Variants in DCP1B observed in about 807,000 individuals in gnomAD.
DCP1B encodes the protein mRNA-decapping enzyme 1B.
In DCP1B, 47 loss-of-function variants were observed where a neutral mutation model predicts 60.5. That is an observed-to-expected ratio of 0.78 (90% CI 0.61 to 0.99). The LOEUF (loss-of-function observed/expected upper bound fraction) is 0.99. Among genes scored for constraint, DCP1B ranks in the 50% least tolerant of loss-of-function variants. The probability of loss-of-function intolerance (pLI) is 0.00; values close to 1 mark genes in which losing one functional copy is unlikely to be tolerated. For synonymous variants in DCP1B, 267 were observed against 280.3 expected (o/e 0.95, Z 0.47); for missense variants, 725 against 756.8 (o/e 0.96, Z 0.49).
chr12:2,003,923 T>C (rs988178125), intron 1 of DCP1B, among the ~76,000 whole-genome samples: 2 of 152,084 alleles, frequency 1.3e-5, no homozygotes, highest in African/African-American at 4.8e-5. Context: ...AGCCACAGAT[T>C]CACTGTAACA....
intron 3 of DCP1B, chr12:1,991,791 T>C (rs181025917): frequency 6.4e-6 from 1 of 155,348 alleles, no homozygotes; most frequent in Non-Finnish European, 1.4e-5. Flanking sequence ...GAGTTTGTGT[T>C]TTTATATTTT....
At chr12:1,966,304 G>C (rs2031292597) in intron 4 of DCP1B, among the ~76,000 whole-genome samples, 1 of 152,192 alleles carries the variant, frequency 6.6e-6, no homozygotes, top group Non-Finnish European at 1.5e-5. Flanking sequence ...TTCTAACTCG[G>C]AGAAGAGGGG....
At chr12:1,988,752 A>G (rs372055139) in intron 3 of DCP1B, among the ~76,000 whole-genome samples, 4 of 152,216 alleles carry the variant, frequency 2.6e-5, no homozygotes, top group African/African-American at 9.6e-5. Context: ...AAGATGGCCT[A>G]TTTAGAAGAT....
intron 3 of DCP1B, among the ~76,000 whole-genome samples, chr12:1,975,655 G>A (rs1042014936): frequency 2.0e-5 from 3 of 152,126 alleles, no homozygotes; most frequent in Admixed American, 6.6e-5. Context: ...CAGATGCAGC[G>A]TATCAATCTG....
intron 3 of DCP1B, chr12:1,992,944 A>G: frequency 1.7e-6 from 1 of 592,718 alleles, no homozygotes; most frequent in South Asian, 2.1e-5. Flanking sequence ...GTGTCTCTGC[A>G]GTCTCCTCAC....
chr12:1,953,028 G>C lies in DCP1B; in HGVS notation c.912C>G (p.Leu304=). 6.2e-7 allele frequency: 1 copy of C among 1,614,162 alleles called. No homozygotes were observed. Among genetic ancestry groups the C allele is most frequent in the Non-Finnish European group, 8.5e-7 (1 of 1,180,016 alleles). Residue 304 remains leucine, a synonymous_variant, in exon 7 of 9, where the codon CTC becomes CTG. Coordinates refer to ENST00000280665, the MANE Select transcript of DCP1B (RefSeq NM_152640.5). Reference sequence around the variant, plus strand: ...TTTCAGGCAGCTCTGACAATGGGTGGAGGTCTGCGCTCCTGACCATGAGTT... The same window carrying C: ...TTTCAGGCAGCTCTGACAATGGGTGCAGGTCTGCGCTCCTGACCATGAGTT... The part of the protein sequence containing the change: ...IQKLMVRSAD[L]HPLSELPENR...
At chr12:1,988,714 C>T (rs2038514313) in intron 3 of DCP1B, among the ~76,000 whole-genome samples, 1 of 152,176 alleles carries the variant, frequency 6.6e-6, no homozygotes, top group African/African-American at 2.4e-5. Context: ...AGTCTACCAA[C>T]CACTCACTTT....
At chr12:1,984,110 A>G (rs1004689930) in intron 3 of DCP1B, among the ~76,000 whole-genome samples, 4 of 151,962 alleles carry the variant, frequency 2.6e-5, no homozygotes, top group African/African-American at 9.7e-5. Context: ...CCTTTAACCT[A>G]TCTATATTGT....
Position 1,964,390 on chromosome 12 carries a change from T to C in DCP1B, c.522+1168A>G, listed in dbSNP as rs375448072. Among the ~76,000 whole-genome samples, 25 of 152,320 alleles carry C rather than the reference T, an allele frequency of 1.6e-4. No individual in the cohort carries two copies. In the South Asian group the frequency reaches 5.0e-3, roughly 30 times the overall value. On this transcript the variant is annotated intron_variant, in intron 5 of 8. Transcript: ENST00000280665. ...ACAATTTTTTTCTGAGTTGTTTTTGTATCTTTCTATTTGCTTGTGTTGTAT... is the reference window on the plus strand; with the variant it reads ...ACAATTTTTTTCTGAGTTGTTTTTGCATCTTTCTATTTGCTTGTGTTGTAT...
In DCP1B at chr12:1,963,597, A is replaced by G. The variant is rs2031198812; in HGVS notation, c.522+1961T>C. ...ATTTTTATACATTCAATGTGGTTTA[A>G]TCCATTGTAGTCACTCCTGTTGATG... On this transcript the variant is annotated intron_variant, in intron 5 of 8. Coordinates refer to ENST00000280665, the MANE Select transcript of DCP1B (RefSeq NM_152640.5). Among the ~76,000 whole-genome samples the G allele has an allele frequency of 2.0e-5, 3 of 152,262 alleles. No individual in the cohort carries two copies. In the South Asian group the frequency reaches 6.2e-4, roughly 32 times the overall value.
chr12:1,998,365 C>T (rs138320665), intron 1 of DCP1B, among the ~76,000 whole-genome samples: 2 of 152,172 alleles, frequency 1.3e-5, no homozygotes, highest in Non-Finnish European at 2.9e-5. Context: ...TCACTGGTGT[C>T]TGCATTTCAC....
Position 1,952,724 on chromosome 12 carries a change from C to T in DCP1B, c.1216G>A (p.Ala406Thr), listed in dbSNP as rs1176070538. The T allele has an allele frequency of 6.2e-7, 1 of 1,614,120 alleles. No homozygotes were observed. Among genetic ancestry groups the T allele is most frequent in the Non-Finnish European group, 8.5e-7 (1 of 1,180,018 alleles). Residue 406 changes from alanine (A) to threonine (T), a missense_variant, in exon 7 of 9, where the codon GCC becomes ACC. Transcript: ENST00000280665. The stretch of plus-strand genomic sequence containing the variant: ...GGTGGAAGGGAGCCATTGAAATAGG[C>T]CTGTGGTGGCTGAGCCAGACCCTTT... ...PGKGLAQPPQ[A>T]YFNGSLPPQT...
downstream of DCP1B, among the ~76,000 whole-genome samples, chr12:1,945,817 G>T (rs530112993): frequency 6.6e-6 from 1 of 152,258 alleles, no homozygotes; most frequent in South Asian, 2.1e-4. Context: ...CTCACTCACA[G>T]GTGGGAATTG....
intron 3 of DCP1B, chr12:1,991,258 C>A: frequency 2.2e-6 from 1 of 455,170 alleles, no homozygotes; most frequent in Non-Finnish European, 4.4e-6. Flanking sequence ...TGCAAAATGG[C>A]AATGAAAATG....
intron 2 of DCP1B, among the ~76,000 whole-genome samples, chr12:1,993,627 G>GGT (rs150056084): frequency 0.016 from 2,380 of 146,654 alleles, 21 homozygotes; most frequent in Middle Eastern, 0.032. Context: ...CTTCATTTGT[G>GGT]GTGTGTGTGT....
At chr12:1,947,750 A>G (rs994651123) in intron 8 of DCP1B, among the ~76,000 whole-genome samples, 2 of 152,226 alleles carry the variant, frequency 1.3e-5, no homozygotes, top group African/African-American at 2.4e-5. Flanking sequence ...AGTAGGGCTC[A>G]ATCATTTGCT....
At chr12:1,954,403 T>C (rs1012974469) in intron 6 of DCP1B, among the ~76,000 whole-genome samples, 13 of 152,292 alleles carry the variant, frequency 8.5e-5, no homozygotes, top group African/African-American at 3.1e-4. Context: ...AAAATTGATA[T>C]AAACTAATTC....
At chr12:1,970,004 C>T (rs761632390) in intron 3 of DCP1B, among the ~76,000 whole-genome samples, 1 of 151,930 alleles carries the variant, frequency 6.6e-6, no homozygotes, top group Non-Finnish European at 1.5e-5. Flanking sequence ...AAAAAATGGC[C>T]GTTGTTGTCT....
At chr12:1,965,531 G>A (rs2031264285) in intron 5 of DCP1B, 27 bp downstream of exon 5, 1 of 1,600,996 alleles carries the variant, frequency 6.2e-7, no homozygotes, top group African/African-American at 1.3e-5. Context: ...AAGTGTGTAT[G>A]TATCACAAGG....
Sources: gnomAD v4.1 joint callset for allele counts (sites outside exome capture counted in the v4.1 genomes callset) on GRCh38, gnomAD v4.1.1 for gene constraint, MANE v1.5 for transcripts, NCBI Gene and HGNC (gene_info 2026-07-23, HGNC 2026-07-21) for gene names.